KDM1B: variants seen among roughly 807,000 people sequenced by gnomAD.
KDM1B encodes the protein lysine demethylase 1B, also known as lysine-specific histone demethylase 2.
In KDM1B, 63 loss-of-function variants were observed where a neutral mutation model predicts 107.4. The ratio of observed to expected loss-of-function variants is 0.59; its 90% CI spans 0.48 to 0.72. The LOEUF is 0.72. KDM1B is among the 30% of genes least tolerant of loss of function. KDM1B has a pLI of 0.00. For synonymous variants in KDM1B, 363 were observed against 363.9 expected (o/e 1.00, Z 0.03); for missense variants, 749 against 1,020.8 (o/e 0.73, Z 3.63).
In KDM1B at chr6:18,213,851, A is replaced by C; in HGVS notation, c.2109+70A>C. 6.5e-7 allele frequency: 1 copy of C among 1,548,166 alleles called. No homozygotes were observed. Among genetic ancestry groups the C allele is most frequent in the South Asian group, 1.1e-5 (1 of 88,796 alleles). ...TTAGAATTTGATGTGATAATTACTC[A>C]CCTATCAAGCTCAGGAACTAACGAA... On this transcript the variant is annotated intron_variant, in intron 19 of 21. Transcript: ENST00000650836. The surrounding 1 kb of genome is among the most constrained non-coding windows in gnomAD (Gnocchi z 5.9).
intron 14 of KDM1B, among the ~76,000 whole-genome samples, chr6:18,202,248 C>G (rs172521): frequency 0.16 from 24,433 of 148,324 alleles, 3,313 homozygotes; most frequent in African/African-American, 0.38. Context: ...AAAAAAAGGG[C>G]GGGGGGCAAG....
rs756520468 is a variant in KDM1B, at chr6:18,200,756, AT to A, written c.1359+181del. 2.6e-5 allele frequency among the ~76,000 whole-genome samples: 4 copies of A among 152,164 alleles called. No individual in the cohort carries two copies. The highest frequency in any genetic ancestry group is 4.8e-5 in the African/African-American group (2 of 41,436). On this transcript the variant is annotated intron_variant, in intron 13 of 21. Transcript: ENST00000650836. The surrounding 1 kb of genome is among the most constrained non-coding windows in gnomAD (Gnocchi z 4.3). ...AGAAGGTAGAACTAGAGGATGTAAA[AT>A]ACTTTTTTTCCTTTTTCTAAGCTAT... is the stretch of plus-strand genomic sequence containing the variant.
At chr6:18,195,956 A>G (rs1276519726) in intron 10 of KDM1B, among the ~76,000 whole-genome samples, 2 of 151,872 alleles carry the variant, frequency 1.3e-5, no homozygotes, top group Non-Finnish European at 2.9e-5. Context: ...CTAAACTGAA[A>G]TTTTTTATCC....
intron 21 of KDM1B, among the ~76,000 whole-genome samples, chr6:18,219,556 T>G (rs1421524070): frequency 6.6e-6 from 1 of 152,232 alleles, no homozygotes; most frequent in Non-Finnish European, 1.5e-5. Flanking sequence ...TGTAGCATCC[T>G]CTTGTTACAA....
chr6:18,175,342 C>T (rs1005529054), intron 7 of KDM1B, among the ~76,000 whole-genome samples: 1 of 152,014 alleles, frequency 6.6e-6, no homozygotes, highest in Non-Finnish European at 1.5e-5. Context: ...TTGTTTTTCT[C>T]TTAATGATTT....
At position 18,209,321 on chromosome 6, in the gene KDM1B, C is replaced by G. The variant is rs1026003875; in HGVS notation, c.1866+1115C>G. Among the ~76,000 whole-genome samples, 1 of 152,176 alleles carries G rather than the reference C, an allele frequency of 6.6e-6. No individual in the cohort carries two copies. The highest frequency in any genetic ancestry group is 2.4e-5 in the African/African-American group (1 of 41,446). On this transcript the variant is annotated intron_variant, in intron 17 of 21. Coordinates refer to ENST00000650836, the MANE Select transcript of KDM1B (RefSeq NM_001364614.2). The surrounding 1 kb of genome is among the most constrained non-coding windows in gnomAD (Gnocchi z 4.3). ...AAAAAATATAATTGATGAACTATCACTAGTTCCTAGACTAGCTATGCTTCC... is the reference window on the plus strand; with the variant it reads ...AAAAAATATAATTGATGAACTATCAGTAGTTCCTAGACTAGCTATGCTTCC...
chr6:18,201,802 C>T lies in KDM1B; in HGVS notation c.1531+145C>T. The T allele has an allele frequency of 1.5e-6, 1 of 677,918 alleles. No individual in the cohort carries two copies. Among genetic ancestry groups the T allele is most frequent in the Non-Finnish European group, 2.4e-6 (1 of 415,276 alleles). The allele number at this position is 677,918 out of a possible 1,614,324, so 42.0% of individuals were successfully genotyped here. A position where few individuals can be genotyped will look rare whatever the true frequency, so the allele number is the denominator to read the frequency against. Reference sequence around the variant, plus strand: ...CATTTCTTTTGGACTGATGGATTCTCCAAGTTCTCAGGGGAGGAGAACTTT... The same window carrying T: ...CATTTCTTTTGGACTGATGGATTCTTCAAGTTCTCAGGGGAGGAGAACTTT... On this transcript the variant is annotated intron_variant, in intron 14 of 21. Coordinates refer to ENST00000650836, the MANE Select transcript of KDM1B (RefSeq NM_001364614.2). The surrounding 1 kb of genome is among the most constrained non-coding windows in gnomAD (Gnocchi z 4.3).
chr6:18,184,495 G>A (rs1440040047), intron 7 of KDM1B, among the ~76,000 whole-genome samples: 3 of 151,316 alleles, frequency 2.0e-5, no homozygotes, highest in Admixed American at 6.6e-5. Context: ...GGCTGGTCTC[G>A]AACTCCTGAC....
Position 18,159,486 on chromosome 6 carries a change from G to T in KDM1B, c.-13-397G>T, listed in dbSNP as rs963865833. On this transcript the variant is annotated intron_variant, in intron 2 of 21. Coordinates refer to ENST00000650836, the MANE Select transcript of KDM1B (RefSeq NM_001364614.2). The surrounding 1 kb of genome is among the most constrained non-coding windows in gnomAD (Gnocchi z 4.5). ...TAGGTAATGTTTATTGAGTACTTAC[G>T]ATATGCCAGTTTTGGTGCTTTAAAT... 6.6e-6 allele frequency among the ~76,000 whole-genome samples: 1 copy of T among 152,172 alleles called. No homozygotes were observed. Among genetic ancestry groups the T allele is most frequent in the Admixed American group, 6.5e-5 (1 of 15,272 alleles).
chr6:18,191,170 G>T lies in KDM1B; in HGVS notation c.785-27G>T, dbSNP rs765299615. 3.2e-6 allele frequency: 5 copies of T among 1,544,050 alleles called. No individual in the cohort carries two copies. Among genetic ancestry groups the T allele is most frequent in the Non-Finnish European group, 3.5e-6 (4 of 1,143,070 alleles). ...TGGATTTGGAAGTTACAGCTTGTAG[G>T]AGTTGCCCATTTGTGTTACCTATCA... On this transcript the variant is annotated intron_variant, in intron 9 of 21. Transcript: ENST00000650836. The surrounding 1 kb of genome is among the most constrained non-coding windows in gnomAD (Gnocchi z 5.1).
intron 17 of KDM1B, among the ~76,000 whole-genome samples, chr6:18,210,331 C>CT (rs767154853): frequency 8.0e-5 from 5 of 62,354 alleles, no homozygotes; most frequent in Middle Eastern, 9.3e-3. Flanking sequence ...TCTTTTTTTT[C>CT]TCTTTCTTTT....
intron 3 of KDM1B, among the ~76,000 whole-genome samples, chr6:18,160,804 C>CT (rs200240519): frequency 0.079 from 10,516 of 133,278 alleles, 501 homozygotes; most frequent in South Asian, 0.18. Context: ...TGGGGAATGA[C>CT]TTTTTTTTTT....
rs926633641 is a variant in KDM1B at position 18,200,634 on chromosome 6, C to G, written c.1359+58C>G. On this transcript the variant is annotated intron_variant, in intron 13 of 21. Transcript: ENST00000650836. This position sits in a 1 kb window ranked among gnomAD's most constrained non-coding sequence, Gnocchi z 4.3. ...AGGAAAGAAAAACAGTTTCAATTTG[C>G]TTGTGTGCAGTATTAATATGCTTCT... The G allele has an allele frequency of 6.5e-7, 1 of 1,547,124 alleles. No individual in the cohort carries two copies. Among genetic ancestry groups the G allele is most frequent in the African/African-American group, 1.4e-5 (1 of 72,928 alleles).
chr6:18,159,888 T>G lies in KDM1B; in HGVS notation c.-8T>G. On this transcript the variant is annotated 5_prime_UTR_variant, in exon 3 of 22. The change creates a new upstream start codon in the 5' untranslated region. Transcript: ENST00000650836. The surrounding 1 kb of genome is among the most constrained non-coding windows in gnomAD (Gnocchi z 4.5). ...GTCTGATTTTTCTTTTGCAGATTATTTAATGTAATGGCAACTCCACGGGGG... is the reference window on the plus strand; with the variant it reads ...GTCTGATTTTTCTTTTGCAGATTATGTAATGTAATGGCAACTCCACGGGGG... The G allele has an allele frequency of 1.3e-6, 2 of 1,567,818 alleles. No homozygotes were observed. The highest frequency in any genetic ancestry group is 1.7e-6 in the Non-Finnish European group (2 of 1,143,374).
At position 18,217,728 on chromosome 6, in the gene KDM1B, C is replaced by A; in HGVS notation, c.2233-5C>A. 6.2e-7 allele frequency: 1 copy of A among 1,610,560 alleles called. No individual in the cohort carries two copies. The highest frequency in any genetic ancestry group is 8.5e-7 in the Non-Finnish European group (1 of 1,178,682). On this transcript the variant is annotated splice_polypyrimidine_tract_variant and splice_region_variant and intron_variant, in intron 20 of 21. Coordinates refer to ENST00000650836, the MANE Select transcript of KDM1B (RefSeq NM_001364614.2). ...TACTTCATAATTCCTTTCTATTGGACATAGGAGGTCCCAGATCCCACAAAG... is the reference window on the plus strand; with the variant it reads ...TACTTCATAATTCCTTTCTATTGGAAATAGGAGGTCCCAGATCCCACAAAG...
chr6:18,193,298 CTTTTTTTTTTTTT>C (rs61133563), intron 10 of KDM1B, among the ~76,000 whole-genome samples: 1 of 90,076 alleles, frequency 1.1e-5, no homozygotes, highest in Non-Finnish European at 2.2e-5. Flanking sequence ...TGTGTGCTTT[CTTTTTTTTTTTTT>C]TTTTTTTTTT....
chr6:18,193,951 G>A (rs943810436), intron 10 of KDM1B, among the ~76,000 whole-genome samples: 12 of 151,560 alleles, frequency 7.9e-5, no homozygotes, highest in African/African-American at 1.7e-4. Context: ...TCAGCTCACC[G>A]CAATCTCCGC....
rs780471101 is a variant in KDM1B, at chr6:18,214,419, A to C, written c.2110-588A>C. Among the ~76,000 whole-genome samples the C allele has an allele frequency of 2.6e-5, 4 of 152,020 alleles. No individual in the cohort carries two copies. The highest frequency in any genetic ancestry group is 9.7e-5 in the African/African-American group (4 of 41,370). ...AGATTTTCCTTCTCCATCTCTTTCT[A>C]CTTCTTCCGAAGCAAGCTTTAATTA... On this transcript the variant is annotated intron_variant, in intron 19 of 21. Coordinates refer to ENST00000650836, the MANE Select transcript of KDM1B (RefSeq NM_001364614.2). This position sits in a 1 kb window ranked among gnomAD's most constrained non-coding sequence, Gnocchi z 4.4.
rs1789126946 is a variant in KDM1B at position 18,215,145 on chromosome 6, C to T, written c.2232+16C>T. On this transcript the variant is annotated intron_variant, in intron 20 of 21. Coordinates refer to ENST00000650836, the MANE Select transcript of KDM1B (RefSeq NM_001364614.2). ...CAAGGAGCAGGTGAGAGAGAGGAAG[C>T]CCTCCTTGAAAGGGGCAAGCCGTGC... 1 of 1,607,470 alleles carries T rather than the reference C, an allele frequency of 6.2e-7. No individual in the cohort carries two copies. The highest frequency in any genetic ancestry group is 2.2e-5 in the East Asian group (1 of 44,772).
Sources: allele counts gnomAD v4.1 joint callset (sites outside exome capture counted in the v4.1 genomes callset), GRCh38; gene constraint gnomAD v4.1.1; non-coding constraint Gnocchi (gnomAD v3.1); transcripts MANE v1.5; gene names NCBI Gene and HGNC (gene_info 2026-07-23, HGNC 2026-07-21).